Variants in SQOR observed in about 807,000 individuals in gnomAD.
The protein encoded by SQOR is sulfide quinone oxidoreductase.
SQOR carries 39 observed loss-of-function variants against 48.6 expected under a neutral mutation model. That is an observed-to-expected ratio of 0.80 (90% confidence interval 0.62 to 1.05). SQOR has a LOEUF of 1.05. SQOR is among the 50% of genes least tolerant of loss of function. The pLI is 0.00. For synonymous variants in SQOR, 220 were observed against 206.2 expected (o/e 1.07, Z -0.57); for missense variants, 561 against 559.9 (o/e 1.00, Z -0.02).
At chr15:45,661,098 A>G (rs1595576998) in intron 2 of SQOR, among the ~76,000 whole-genome samples, 1 of 151,992 alleles carries the variant, frequency 6.6e-6, no homozygotes, top group African/African-American at 2.4e-5. Flanking sequence ...CCTAGGCAAC[A>G]TGGTGAAATG....
In SQOR at chr15:45,688,405, GTT is replaced by G; in HGVS notation, c.1116+3_1116+4del. 1 of 1,593,698 alleles carries G rather than the reference GTT, an allele frequency of 6.3e-7. No individual in the cohort carries two copies. Among genetic ancestry groups the G allele is most frequent in the Non-Finnish European group, 8.6e-7 (1 of 1,167,408 alleles). ...GAAGAATCAAACACCAACAAAGAAG[GTT>G]TGTATGCCTTGTAAGAATCACTGTC... On this transcript the variant is annotated splice_donor_variant and splice_donor_region_variant and intron_variant, in intron 8 of 9. Coordinates refer to ENST00000260324, the MANE Select transcript of SQOR (RefSeq NM_021199.4). LOFTEE classifies it high-confidence loss of function.
chr15:45,661,318 C>T (rs1197426319), intron 2 of SQOR, among the ~76,000 whole-genome samples: 1 of 112,996 alleles, frequency 8.8e-6, no homozygotes, highest in Admixed American at 8.8e-5. Flanking sequence ...AAAAAAAGGA[C>T]CATCTGAAGC....
chr15:45,645,366 G>A (rs1297726809), intron 1 of SQOR, among the ~76,000 whole-genome samples: 1 of 152,152 alleles, frequency 6.6e-6, no homozygotes, highest in African/African-American at 2.4e-5. Context: ...TTAATTTTAT[G>A]TTCCAGTTTG....
upstream of SQOR, among the ~76,000 whole-genome samples, chr15:45,632,609 G>A (rs547459194): frequency 7.2e-5 from 11 of 152,122 alleles, no homozygotes; most frequent in East Asian, 1.9e-4. Context: ...ACTCCTTCCC[G>A]CCTGCATCCT....
intron 2 of SQOR, among the ~76,000 whole-genome samples, chr15:45,661,725 T>G (rs1043888344): frequency 1.3e-5 from 2 of 152,232 alleles, no homozygotes; most frequent in Non-Finnish European, 2.9e-5. Context: ...AAAGATAGTT[T>G]ATAGCTTTTC....
chr15:45,632,794 A>G (rs1385927475), upstream of SQOR, among the ~76,000 whole-genome samples: 2 of 152,048 alleles, frequency 1.3e-5, no homozygotes, highest in African/African-American at 4.8e-5. Flanking sequence ...TGCTATGTGA[A>G]CAGGGCCATA....
At chr15:45,684,902 T>C (rs540016012) in intron 7 of SQOR, among the ~76,000 whole-genome samples, 1 of 152,308 alleles carries the variant, frequency 6.6e-6, no homozygotes, top group East Asian at 1.9e-4. Flanking sequence ...CCCCCAACCA[T>C]GGAGGGAGCA....
chr15:45,655,932 G>A (rs577246464), intron 1 of SQOR, among the ~76,000 whole-genome samples: 51 of 151,422 alleles, frequency 3.4e-4, no homozygotes, highest in Middle Eastern at 3.5e-3. Flanking sequence ...TGATCCGCCC[G>A]CCTTGGCCTC....
upstream of SQOR, chr15:45,632,162 G>A (rs1345803335): frequency 6.6e-6 from 1 of 151,860 alleles, no homozygotes; most frequent in Non-Finnish European, 1.5e-5. Context: ...CAGCATGTGG[G>A]ATATGCTCAG....
At chr15:45,633,400 C>CA (rs1461323100), upstream of SQOR, among the ~76,000 whole-genome samples, 2 of 151,906 alleles carry the variant, frequency 1.3e-5, no homozygotes, top group Non-Finnish European at 2.9e-5. Context: ...TTTGCCATTT[C>CA]AAAAAATCAT....
chr15:45,681,312 C>T (rs2028589), intron 6 of SQOR, among the ~76,000 whole-genome samples: 12,402 of 152,292 alleles, frequency 0.081, 678 homozygotes, highest in East Asian at 0.25. Flanking sequence ...TCAGTTTCAA[C>T]GTTCATGAAC....
chr15:45,683,315 G>T (rs1890157223), intron 7 of SQOR, among the ~76,000 whole-genome samples: 1 of 152,154 alleles, frequency 6.6e-6, no homozygotes, highest in African/African-American at 2.4e-5. Context: ...ACACCATAAA[G>T]CTCGAGGAGC....
intron 1 of SQOR, among the ~76,000 whole-genome samples, chr15:45,657,860 A>G (rs1196220464): frequency 6.6e-6 from 1 of 152,172 alleles, no homozygotes; most frequent in Admixed American, 6.5e-5. Flanking sequence ...TTCTTGGAGC[A>G]GTGGTGAACC....
At chr15:45,651,917 C>G (rs1322264934) in intron 1 of SQOR, among the ~76,000 whole-genome samples, 2 of 152,102 alleles carry the variant, frequency 1.3e-5, no homozygotes, top group Non-Finnish European at 2.9e-5. Context: ...AAAACAGACT[C>G]TCACTCTGTT....
chr15:45,689,642 A>G (rs1346303232), intron 9 of SQOR, among the ~76,000 whole-genome samples: 2 of 150,648 alleles, frequency 1.3e-5, no homozygotes, highest in Non-Finnish European at 3.0e-5. Flanking sequence ...CTGGTCTCAA[A>G]CTCCCAACCT....
intron 1 of SQOR, among the ~76,000 whole-genome samples, chr15:45,635,504 T>C (rs1444646031): frequency 2.0e-5 from 3 of 152,012 alleles, no homozygotes; most frequent in Non-Finnish European, 2.9e-5. Context: ...GGGCCAGGGA[T>C]TGACACAGTC....
chr15:45,646,979 T>A (rs1889352382), intron 1 of SQOR, among the ~76,000 whole-genome samples: 1 of 152,230 alleles, frequency 6.6e-6, no homozygotes, highest in Admixed American at 6.5e-5. Context: ...TCTTTTCAGT[T>A]TATTTAGTAA....
In SQOR at chr15:45,689,109, A is replaced by G. The variant is rs748053728; in HGVS notation, c.1187A>G (p.Lys396Arg). Residue 396 changes from lysine to arginine, a missense_variant, in exon 9 of 10, where the codon AAA (lysine) becomes AGA (arginine). By Grantham distance (26) the Lys-to-Arg change is conservative (BLOSUM62 2). Transcript: ENST00000260324. ...GTGATTCTTGCTGAGTTTGACTACA[A>G]AGCAGAGCCGCTAGAAACCTTCCCC... ...NRVILAEFDYKAEPLETFPFD... is the reference protein window; with the variant it reads ...NRVILAEFDYRAEPLETFPFD... The G allele has an allele frequency of 6.2e-7, 1 of 1,614,148 alleles. No individual in the cohort carries two copies. Among genetic ancestry groups the G allele is most frequent in the Non-Finnish European group, 8.5e-7 (1 of 1,180,026 alleles).
intron 6 of SQOR, among the ~76,000 whole-genome samples, chr15:45,681,231 C>A (rs1468773584): frequency 6.6e-6 from 1 of 152,210 alleles, no homozygotes; most frequent in African/African-American, 2.4e-5. Context: ...TGCAGAAATG[C>A]AGACAGGAGA....
Sources: gnomAD v4.1 joint callset for allele counts (sites outside exome capture counted in the v4.1 genomes callset) on GRCh38, gnomAD v4.1.1 for gene constraint, MANE v1.5 for transcripts, NCBI Gene and HGNC (gene_info 2026-07-23, HGNC 2026-07-21) for gene names.